The following IFT80 variants were observed in gnomAD, a reference collection of about 807,000 sequenced individuals.
IFT80 encodes intraflagellar transport 80.
In IFT80, 79 loss-of-function variants were observed where a neutral mutation model predicts 107.9. The observed-to-expected ratio is 0.73, with a 90% CI of 0.61 to 0.88. The LOEUF is 0.88. Ranked by LOEUF, IFT80 falls within the 40% of genes least tolerant of loss-of-function variation. The pLI is 0.00. For synonymous variants in IFT80, 299 were observed against 300.9 expected, an observed-to-expected ratio of 0.99 and a Z score of 0.07; for missense variants, 797 against 914.2, an observed-to-expected ratio of 0.87 and a Z score of 1.65.
In IFT80 at chr3:160,282,492, T is replaced by C. The variant is rs200869143; in HGVS notation, c.1502A>G (p.Gln501Arg). 1.5e-5 allele frequency: 24 copies of C among 1,589,830 alleles called. No individual in the cohort carries two copies. The highest frequency in any genetic ancestry group is 2.1e-5 in the Non-Finnish European group (24 of 1,163,648). The change falls in exon 14 of 20, where the codon CAA becomes CGA. Residue 501 changes from glutamine (Q) to arginine (R), a missense_variant. By Grantham distance (43) the Gln-to-Arg change is conservative (BLOSUM62 1). Coordinates refer to ENST00000326448, the MANE Select transcript of IFT80 (RefSeq NM_020800.3). ...TSVKRFGKEE[Q>R]IIKLGTMVHT... ...AATTATTTTACCAAGCTTGATAATT[T>C]GTTCTTCCTTCCCAAATCGTTTCAC...
At chr3:160,299,142 T>C (rs1304746296) in intron 12 of IFT80, 1 of 982,086 alleles carries the variant, frequency 1.0e-6, no homozygotes, top group Non-Finnish European at 1.2e-6. Flanking sequence ...TTACTATTAT[T>C]TTCACAATTT....
chr3:160,266,345 C>G (rs1161300309), intron 19 of IFT80, among the ~76,000 whole-genome samples: 1 of 148,028 alleles, frequency 6.8e-6, no homozygotes, highest in Non-Finnish European at 1.5e-5. Flanking sequence ...CTCCTCCCCC[C>G]CCCTTCTTTC....
chr3:160,312,711 TAATA>T (rs1717407012), intron 9 of IFT80, among the ~76,000 whole-genome samples: 1 of 40,660 alleles, frequency 2.5e-5, no homozygotes, highest in East Asian at 8.1e-4. Context: ...ATATAATATA[TAATA>T]TATATAATAA....
chr3:160,292,149 G>A (rs760242372), intron 12 of IFT80, among the ~76,000 whole-genome samples: 21 of 152,310 alleles, frequency 1.4e-4, no homozygotes, highest in Admixed American at 6.5e-4. Context: ...TGCCGAGTCC[G>A]CACTGGGCTT....
At chr3:160,312,161 A>T (rs1717319418) in intron 9 of IFT80, among the ~76,000 whole-genome samples, 2 of 152,106 alleles carry the variant, frequency 1.3e-5, no homozygotes, top group Non-Finnish European at 1.5e-5. Flanking sequence ...CAGCTATATG[A>T]CTGCAGGTTG....
rs1293779644 is a variant in IFT80, at chr3:160,258,572, GCT to G, written c.2285_2286del (p.Glu762AlafsTer37). 6.2e-7 allele frequency: 1 copy of G among 1,613,430 alleles called. No homozygotes were observed. Among genetic ancestry groups the G allele is most frequent in the Non-Finnish European group, 8.5e-7 (1 of 1,179,936 alleles). On this transcript the variant is annotated frameshift_variant, in exon 20 of 20. Coordinates refer to ENST00000326448, the MANE Select transcript of IFT80 (RefSeq NM_020800.3). LOFTEE classifies it high-confidence loss of function. ...TTGCTGGATTGGCTGCTTGATGATT[GCT>G]CTCTTTCTTTTGTAATTTCCATCTC... ...KIEMEITKER[E>X]QSSSSQSSKS...
chr3:160,314,396 A>G (rs755143018), intron 9 of IFT80, among the ~76,000 whole-genome samples: 3 of 152,148 alleles, frequency 2.0e-5, no homozygotes, highest in Admixed American at 1.3e-4. Context: ...TTTGGAAAGA[A>G]TTATCCACTG....
At chr3:160,360,059 A>G (rs2108366850) in intron 6 of IFT80, among the ~76,000 whole-genome samples, 1 of 152,340 alleles carries the variant, frequency 6.6e-6, no homozygotes, top group Admixed American at 6.5e-5. Flanking sequence ...AACTTCCCCA[A>G]GCTAAAGGAG....
intron 5 of IFT80, among the ~76,000 whole-genome samples, chr3:160,369,774 T>C (rs979564354): frequency 2.6e-5 from 4 of 152,088 alleles, no homozygotes; most frequent in Admixed American, 6.5e-5. Context: ...ATTTATTTCA[T>C]CATTAACAAA....
At chr3:160,355,132 G>A (rs185183074) in intron 8 of IFT80, among the ~76,000 whole-genome samples, 1 of 152,246 alleles carries the variant, frequency 6.6e-6, no homozygotes, top group East Asian at 1.9e-4. Context: ...TGCTGAGCTT[G>A]GCTATTTCCC....
chr3:160,320,365 TA>T, intron 8 of IFT80, among the ~76,000 whole-genome samples: 1 of 152,012 alleles, frequency 6.6e-6, no homozygotes, highest in East Asian at 1.9e-4. Flanking sequence ...ACACACAATG[TA>T]ACTAAAATAG....
Position 160,391,300 on chromosome 3 carries a change from A to G in IFT80, c.-46-6654T>C, listed in dbSNP as rs142404293. 3.1e-3 allele frequency among the ~76,000 whole-genome samples: 478 copies of G among 152,316 alleles called. 2 individuals carry two copies. The highest frequency in any genetic ancestry group is 0.011 in the African/African-American group (461 of 41,580). On this transcript the variant is annotated intron_variant, in intron 1 of 19. Transcript: ENST00000326448. ...TGCATCAGATATACTGCCCAACAGT[A>G]ATAGTACGTACCTAAGTTCACATTG...
chr3:160,312,164 G>T (rs1717320054), intron 9 of IFT80, among the ~76,000 whole-genome samples: 3 of 152,122 alleles, frequency 2.0e-5, no homozygotes, highest in African/African-American at 4.8e-5. Flanking sequence ...CTATATGACT[G>T]CAGGTTGTGT....
intron 8 of IFT80, among the ~76,000 whole-genome samples, chr3:160,324,330 A>C (rs1718506833): frequency 6.6e-6 from 1 of 152,218 alleles, no homozygotes; most frequent in Non-Finnish European, 1.5e-5. Context: ...CAACCAAAAA[A>C]GAGAATTTTA....
intron 16 of IFT80, among the ~76,000 whole-genome samples, chr3:160,277,911 T>A (rs1714391824): frequency 6.6e-6 from 1 of 152,206 alleles, no homozygotes. Flanking sequence ...GATTTATTTC[T>A]GAATTTAAAA....
chr3:160,381,799 TA>T, intron 2 of IFT80, 75 bp from the exon 3 acceptor site: 1 of 1,176,034 alleles, frequency 8.5e-7, no homozygotes, highest in South Asian at 1.2e-5. Flanking sequence ...ATGCAGATTA[TA>T]AGGTATAAGT....
intron 8 of IFT80, among the ~76,000 whole-genome samples, chr3:160,349,482 A>T (rs1720523249): frequency 6.6e-6 from 1 of 152,042 alleles, no homozygotes. Flanking sequence ...CTGCACCTCA[A>T]CTAAAAATTT....
chr3:160,307,864 C>T lies in IFT80; in HGVS notation c.958-83G>A. On this transcript the variant is annotated intron_variant, in intron 9 of 19. Transcript: ENST00000326448. ...GATAAGTTAGCAAGATTTTGAAACA[C>T]AAAAAATTAAATGCACTACTGATTA... 3.9e-6 allele frequency: 3 copies of T among 768,014 alleles called. No individual in the cohort carries two copies. The East Asian group carries it at 8.0e-5, about 21-fold the overall frequency. 47.6% of individuals were successfully genotyped at this position (768,014 alleles called of 1,614,324 possible). A position where few individuals can be genotyped will look rare whatever the true frequency, so the allele number is the denominator to read the frequency against.
chr3:160,358,989 C>A (rs1309025238), intron 6 of IFT80, among the ~76,000 whole-genome samples: 1 of 152,036 alleles, frequency 6.6e-6, no homozygotes, highest in Non-Finnish European at 1.5e-5. Context: ...CACTATAAGA[C>A]CAAGTTCGAA....
Sources: gnomAD v4.1 joint callset for allele counts (sites outside exome capture counted in the v4.1 genomes callset) on GRCh38, gnomAD v4.1.1 for gene constraint, MANE v1.5 for transcripts, NCBI Gene and HGNC (gene_info 2026-07-23, HGNC 2026-07-21) for gene names.